NOD1: variants seen among roughly 807,000 people sequenced by gnomAD.
The protein encoded by NOD1 is nucleotide binding oligomerization domain containing 1, also known as nucleotide-binding oligomerization domain-containing protein 1.
Under a neutral mutation model 81.2 loss-of-function variants are expected in NOD1, and 70 were observed. The observed-to-expected ratio is 0.86, with a 90% CI of 0.71 to 1.05. The LOEUF is 1.05. NOD1 is among the 50% of genes least tolerant of loss of function. The pLI is 0.00. For synonymous variants in NOD1, 508 were observed against 526.9 expected, an observed-to-expected ratio of 0.96 and a Z score of 0.49; for missense variants, 1,233 against 1,228.0, an observed-to-expected ratio of 1.00 and a Z score of -0.06.
chr7:30,456,622 G>A, intron 4 of NOD1, 99 bp downstream of exon 4: 2 of 1,070,864 alleles, frequency 1.9e-6, no homozygotes, highest in African/African-American at 3.1e-5. Flanking sequence ...CTGCCCGCTG[G>A]ACTAAACTCC....
intron 4 of NOD1, among the ~76,000 whole-genome samples, chr7:30,456,470 A>T (rs544304577): frequency 2.6e-5 from 4 of 152,348 alleles, no homozygotes; most frequent in Admixed American, 6.5e-5. Flanking sequence ...TCTAAAAATG[A>T]AGTGTCTGGG....
At chr7:30,477,091 CT>C (rs1788859310) in intron 1 of NOD1, among the ~76,000 whole-genome samples, 1 of 152,174 alleles carries the variant, frequency 6.6e-6, no homozygotes, top group South Asian at 2.1e-4. Context: ...GGTCAAGGAA[CT>C]TGCCCAAAGT....
At chr7:30,439,346 G>T (rs1348959347) in intron 9 of NOD1, among the ~76,000 whole-genome samples, 9 of 143,688 alleles carry the variant, frequency 6.3e-5, no homozygotes, top group Non-Finnish European at 6.0e-5. Context: ...CTGAGGTACC[G>T]GGTTCATCTC....
chr7:30,448,445 C>G, intron 6 of NOD1, 64 bp from the exon 7 acceptor site: 1 of 1,356,232 alleles, frequency 7.4e-7, no homozygotes, highest in Non-Finnish European at 1.1e-6. Flanking sequence ...GACCATTAAT[C>G]TTACAAAGAT....
At chr7:30,463,531 C>T (rs1787373150) in intron 1 of NOD1, 1 of 152,542 alleles carries the variant, frequency 6.6e-6, no homozygotes, top group Admixed American at 6.6e-5. Context: ...AGAAAGGAGT[C>T]TCACCTCCTG....
chr7:30,452,265 G>A lies in NOD1; in HGVS notation c.1152C>T (p.Leu384=). The change falls in exon 6 of 14, where the codon CTC becomes CTT. Residue 384 remains leucine, a synonymous_variant. Transcript: ENST00000222823. The part of the protein sequence containing the change: ...LLSQLEANPN[L]CSLCSVPLFC... ...AGAGGGGCACAGAGCACAGGCTGCA[G>A]AGGTTGGGGTTGGCCTCCAGCTGGC... 1.2e-6 allele frequency: 2 copies of A among 1,613,648 alleles called. No individual in the cohort carries two copies. The highest frequency in any genetic ancestry group is 2.2e-5 in the East Asian group (1 of 44,880).
chr7:30,437,588 C>G lies in NOD1; in HGVS notation c.2522G>C (p.Ser841Thr), dbSNP rs569534871. The change falls in exon 10 of 14, where the codon AGC becomes ACC. Residue 841 changes from serine to threonine, a missense_variant. By Grantham distance (58) the Ser-to-Thr change is moderately conservative. Transcript: ENST00000222823. ...CCACAGTTACCTCAGGGTGGTCAAG[C>G]TGGGGTGGTTCCGCAGAGCCTCTGC... ...AFAEALRNHP[S>T]LTTLSLASNG... The G allele has an allele frequency of 2.0e-6, 3 of 1,507,280 alleles. No individual in the cohort carries two copies. The highest frequency in any genetic ancestry group is 2.6e-6 in the Non-Finnish European group (3 of 1,140,490). 93.4% of individuals were successfully genotyped at this position (1,507,280 alleles called of 1,614,324 possible).
intron 12 of NOD1, among the ~76,000 whole-genome samples, chr7:30,431,567 G>A (rs1378899951): frequency 6.6e-6 from 1 of 152,232 alleles, no homozygotes; most frequent in Non-Finnish European, 1.5e-5. Flanking sequence ...TTCAACACGT[G>A]GTGCTGCCGG....
rs180712416 is a variant in NOD1 at position 30,448,336 on chromosome 7, G to A, written c.2247C>T (p.Ser749=). The change falls in exon 7 of 14, where the codon AGC becomes AGT. Residue 749 remains serine (S), a synonymous_variant. Transcript: ENST00000222823. ...QITDGGVKVL[S]EELTKYKIVT... is the part of the protein sequence containing the mutation. The stretch of plus-strand genomic sequence containing the variant: ...CAATTTTGTATTTGGTCAGCTCTTC[G>A]CTTAGCACCTTTACCCCACCGTCAG... 8 of 1,614,154 alleles carry A rather than the reference G, an allele frequency of 5.0e-6. No individual in the cohort carries two copies. In the East Asian group the frequency reaches 8.9e-5, roughly 18 times the overall value.
intron 1 of NOD1, among the ~76,000 whole-genome samples, chr7:30,470,832 C>G (rs923242232): frequency 6.6e-6 from 1 of 152,236 alleles, no homozygotes; most frequent in Admixed American, 6.5e-5. Flanking sequence ...AACAACAGAG[C>G]CTTGAAGTGG....
Position 30,448,040 on chromosome 7 carries a change from G to T in NOD1, c.2285+258C>A, listed in dbSNP as rs1583730505. On this transcript the variant is annotated intron_variant, in intron 7 of 13. Coordinates refer to ENST00000222823, the MANE Select transcript of NOD1 (RefSeq NM_006092.4). ...AAATATATCCCCTTATATTCTCGTTGCATCCCCCAATAACCAGTTGTAAGC... is the reference window on the plus strand; with the variant it reads ...AAATATATCCCCTTATATTCTCGTTTCATCCCCCAATAACCAGTTGTAAGC... The T allele has an allele frequency of 2.7e-5, 13 of 476,558 alleles. No homozygotes were observed. In the East Asian group the frequency reaches 4.5e-4, roughly 16 times the overall value. The allele number at this position is 476,558 out of a possible 1,614,324, so 29.5% of individuals were successfully genotyped here.
chr7:30,474,747 C>T (rs970066979), intron 1 of NOD1, among the ~76,000 whole-genome samples: 3 of 152,072 alleles, frequency 2.0e-5, no homozygotes, highest in Admixed American at 6.5e-5. Flanking sequence ...ATTGGGGACC[C>T]CTGAAGTAAG....
chr7:30,451,259 C>T lies in NOD1; in HGVS notation c.2158G>A (p.Val720Met), dbSNP rs375626697. 1.4e-5 allele frequency: 22 copies of T among 1,613,930 alleles called. No individual in the cohort carries two copies. The highest frequency in any genetic ancestry group is 1.2e-4 in the Admixed American group (7 of 60,008). The stretch of plus-strand genomic sequence containing the variant: ...CTGAAGCAGGGCTGCAGCTCCCGCA[C>T]GCCGTAGTCGTTGAGATTGTTGTTG... ...LDNNNLNDYG[V>M]RELQPCFSRL... is the part of the protein sequence containing the mutation. The change falls in exon 6 of 14, where the codon GTG becomes ATG. Residue 720 changes from valine to methionine, a missense_variant. By Grantham distance (21) the Val-to-Met change is conservative. Transcript: ENST00000222823. The surrounding 1 kb of genome is among the most constrained non-coding windows in gnomAD (Gnocchi z 4.2).
chr7:30,455,454 C>A, intron 4 of NOD1, 143 bp from the exon 5 acceptor site: 4 of 616,072 alleles, frequency 6.5e-6, no homozygotes, highest in Non-Finnish European at 8.4e-6. Flanking sequence ...CTGTGACAGT[C>A]AACATATTGG....
At chr7:30,456,648 G>T in intron 4 of NOD1, 73 bp downstream of exon 4, 3 of 1,353,784 alleles carry the variant, frequency 2.2e-6, no homozygotes, top group Non-Finnish European at 2.1e-6. Context: ...TCTTCACTCA[G>T]ATCAGCAGGG....
chr7:30,474,040 C>T (rs905523522), intron 1 of NOD1, among the ~76,000 whole-genome samples: 1 of 152,192 alleles, frequency 6.6e-6, no homozygotes, highest in Admixed American at 6.5e-5. Context: ...TTAGGGTCTA[C>T]CAGATCAGGC....
intron 1 of NOD1, among the ~76,000 whole-genome samples, chr7:30,461,733 TTTGTTG>T (rs373311952): frequency 2.0e-5 from 3 of 152,008 alleles, no homozygotes; most frequent in African/African-American, 4.8e-5. Context: ...AGGAATGATC[TTTGTTG>T]TTGTTGTTGT....
chr7:30,453,248 T>C (rs1785985799), intron 5 of NOD1, among the ~76,000 whole-genome samples: 1 of 152,026 alleles, frequency 6.6e-6, no homozygotes, highest in Non-Finnish European at 1.5e-5. Context: ...CAGGCTTTGA[T>C]CTCTCTGCTT....
At chr7:30,427,420 T>G (rs974188290) in intron 13 of NOD1, among the ~76,000 whole-genome samples, 7 of 152,208 alleles carry the variant, frequency 4.6e-5, no homozygotes, top group African/African-American at 1.7e-4. Flanking sequence ...CAAGCAGAGC[T>G]GCTCCCTGAA....
Sources: allele counts gnomAD v4.1 joint callset (sites outside exome capture counted in the v4.1 genomes callset), GRCh38; gene constraint gnomAD v4.1.1; non-coding constraint Gnocchi (gnomAD v3.1); transcripts MANE v1.5; gene names NCBI Gene and HGNC (gene_info 2026-07-23, HGNC 2026-07-21).